Variants in DIAPH3 observed in about 807,000 individuals in gnomAD.
DIAPH3 encodes diaphanous related formin 3, also known as protein diaphanous homolog 3.
Under a neutral mutation model 144.3 loss-of-function variants are expected in DIAPH3, and 117 were observed. That is an observed-to-expected ratio of 0.81 (90% CI 0.70 to 0.95). The LOEUF (loss-of-function observed/expected upper bound fraction) is 0.95, where lower values mean the gene tolerates loss of function less well. Among genes scored for constraint, DIAPH3 ranks in the 40% least tolerant of loss-of-function variants. The pLI, the probability that DIAPH3 is intolerant of heterozygous loss-of-function variation, is 0.00. For synonymous variants in DIAPH3, 519 were observed against 488.9 expected (o/e 1.06, Z -0.81); for missense variants, 1,421 against 1,412.7 (o/e 1.01, Z -0.09).
chr13:59,803,716 C>T (rs774735512), intron 25 of DIAPH3, among the ~76,000 whole-genome samples: 14 of 152,226 alleles, frequency 9.2e-5, no homozygotes, highest in South Asian at 2.1e-4. Flanking sequence ...ATGGAGAAGA[C>T]GCAAATTAGT....
intron 1 of DIAPH3, chr13:60,153,362 T>G (rs1951887258): frequency 6.6e-6 from 1 of 152,148 alleles, no homozygotes; most frequent in Non-Finnish European, 1.5e-5. Flanking sequence ...TACTAAAAAA[T>G]GTTTATATAT....
chr13:59,820,206 TATAAGA>T (rs1042981261), intron 24 of DIAPH3, among the ~76,000 whole-genome samples: 6 of 151,962 alleles, frequency 3.9e-5, no homozygotes, highest in Admixed American at 2.6e-4. Flanking sequence ...TCATAGTTCC[TATAAGA>T]ATATGAATGC....
intron 3 of DIAPH3, among the ~76,000 whole-genome samples, chr13:60,105,584 C>A (rs939047289): frequency 1.4e-4 from 21 of 152,198 alleles, no homozygotes; most frequent in African/African-American, 5.1e-4. Context: ...TCTTCCTCTT[C>A]ATTATTTGGA....
At chr13:60,100,765 GAAC>G (rs1456252615) in intron 3 of DIAPH3, among the ~76,000 whole-genome samples, 1 of 149,764 alleles carries the variant, frequency 6.7e-6, no homozygotes, top group East Asian at 2.0e-4. Flanking sequence ...AAGAAAAACA[GAAC>G]ATCATTATTA....
chr13:60,066,051 A>G (rs1297970953), intron 4 of DIAPH3, among the ~76,000 whole-genome samples: 1 of 152,190 alleles, frequency 6.6e-6, no homozygotes, highest in African/African-American at 2.4e-5. Context: ...TCAAGAAAAT[A>G]GTATAACTTT....
chr13:60,055,259 C>T (rs1432677600), intron 4 of DIAPH3, among the ~76,000 whole-genome samples: 3 of 151,876 alleles, frequency 2.0e-5, no homozygotes, highest in Non-Finnish European at 4.4e-5. Context: ...TAGAAATTAA[C>T]TTGACATAGC....
intron 5 of DIAPH3, among the ~76,000 whole-genome samples, chr13:60,017,790 G>A (rs1030647063): frequency 2.6e-5 from 4 of 152,166 alleles, no homozygotes; most frequent in African/African-American, 4.8e-5. Flanking sequence ...ATACTCTCTT[G>A]TAAAAGACTG....
intron 22 of DIAPH3, among the ~76,000 whole-genome samples, chr13:59,843,952 G>A (rs2042480298): frequency 6.6e-6 from 1 of 152,158 alleles, no homozygotes; most frequent in Non-Finnish European, 1.5e-5. Flanking sequence ...GCCTGTATGA[G>A]TGGCGGGCAG....
intron 21 of DIAPH3, among the ~76,000 whole-genome samples, chr13:59,862,925 T>C (rs1008009520): frequency 6.6e-6 from 1 of 152,162 alleles, no homozygotes. Flanking sequence ...CTATTGAAAA[T>C]ACATGGTTAA....
Position 60,158,906 on chromosome 13 carries a change from T to TAAAAAA in DIAPH3, c.180+4675_180+4680dup, listed in dbSNP as rs71197285. On this transcript the variant is annotated intron_variant, in intron 1 of 27. Coordinates refer to ENST00000400324, the MANE Select transcript of DIAPH3 (RefSeq NM_001042517.2). ...ATTGTTGCTCCTGCCTGGCCCCTCT[T>TAAAAAA]AAAAAAAAAAAAAAAAAAAAAAAAA... 2.3e-4 allele frequency among the ~76,000 whole-genome samples: 18 copies of TAAAAAA among 76,918 alleles called. 1 individual carries two copies. In the South Asian group the frequency reaches 2.4e-3, roughly 10 times the overall value. 50.5% of individuals were successfully genotyped at this position (76,918 alleles called of 152,430 possible).
intron 4 of DIAPH3, among the ~76,000 whole-genome samples, chr13:60,060,870 G>A (rs985579502): frequency 3.3e-5 from 5 of 151,988 alleles, no homozygotes; most frequent in Non-Finnish European, 4.4e-5. Flanking sequence ...TTTCTAGGAT[G>A]TTCTGTAAAA....
chr13:60,044,633 C>T lies in DIAPH3; in HGVS notation c.496-1813G>A, dbSNP rs12585035. Among the ~76,000 whole-genome samples the T allele has an allele frequency of 4.8e-3, 730 of 152,136 alleles. 27 individuals carry two copies. In the East Asian group the frequency reaches 0.094, roughly 20 times the overall value. On this transcript the variant is annotated intron_variant, in intron 4 of 27. Transcript: ENST00000400324. ...CAGAAAAGCAACAGGAACAAAGGTGCCTCAAAATAACTACTGTTAATATAT... is the reference window on the plus strand; with the variant it reads ...CAGAAAAGCAACAGGAACAAAGGTGTCTCAAAATAACTACTGTTAATATAT...
intron 21 of DIAPH3, among the ~76,000 whole-genome samples, chr13:59,872,784 T>C (rs2044357538): frequency 6.6e-6 from 1 of 152,216 alleles, no homozygotes; most frequent in Admixed American, 6.5e-5. Flanking sequence ...TAGTTGTCTA[T>C]AAGCCTGACG....
intron 25 of DIAPH3, among the ~76,000 whole-genome samples, chr13:59,809,919 T>G (rs2139547687): frequency 6.6e-6 from 1 of 152,274 alleles, no homozygotes; most frequent in East Asian, 1.9e-4. Flanking sequence ...CCTTGTTCAA[T>G]CCTTACTGAC....
At chr13:59,904,797 T>G (rs2140197690) in intron 20 of DIAPH3, among the ~76,000 whole-genome samples, 1 of 152,134 alleles carries the variant, frequency 6.6e-6, no homozygotes, top group African/African-American at 2.4e-5. Flanking sequence ...ATTGCAAATA[T>G]TTACAAGAGT....
chr13:59,935,967 T>C (rs1443092839), intron 17 of DIAPH3, among the ~76,000 whole-genome samples: 1 of 152,202 alleles, frequency 6.6e-6, no homozygotes, highest in Non-Finnish European at 1.5e-5. Flanking sequence ...TAAATGCGTA[T>C]TTCTCTTTCT....
At chr13:60,017,980 G>C (rs892108168) in intron 5 of DIAPH3, among the ~76,000 whole-genome samples, 1 of 152,146 alleles carries the variant, frequency 6.6e-6, no homozygotes, top group African/African-American at 2.4e-5. Context: ...TCACTTAACT[G>C]TTTGCCTTGT....
At chr13:59,971,282 T>C (rs1393264336) in intron 15 of DIAPH3, 122 bp from the exon 16 acceptor site, 1 of 955,514 alleles carries the variant, frequency 1.0e-6, no homozygotes, top group African/African-American at 1.7e-5. Flanking sequence ...AGTAATTTCA[T>C]AAGGTTTAAC....
chr13:59,703,734 T>G (rs2034250998), intron 27 of DIAPH3, among the ~76,000 whole-genome samples: 1 of 152,170 alleles, frequency 6.6e-6, no homozygotes, highest in Non-Finnish European at 1.5e-5. Context: ...AATAACTATT[T>G]CTTGTATGCG....
Sources: gnomAD v4.1 joint callset for allele counts (sites outside exome capture counted in the v4.1 genomes callset) on GRCh38, gnomAD v4.1.1 for gene constraint, MANE v1.5 for transcripts, NCBI Gene and HGNC (gene_info 2026-07-23, HGNC 2026-07-21) for gene names.